RAB3C: variants seen among roughly 807,000 people sequenced by gnomAD.
RAB3C encodes the protein ras-related protein Rab-3C.
RAB3C carries 17 observed loss-of-function variants against 26.4 expected under a neutral mutation model. The ratio of observed to expected loss-of-function variants is 0.64; its 90% CI spans 0.44 to 0.97. RAB3C has a LOEUF of 0.97. Ranked by LOEUF, RAB3C falls within the 50% of genes least tolerant of loss-of-function variation. RAB3C has a pLI of 0.00. For missense variants in RAB3C, 242 were observed against 281.9 expected (o/e 0.86, Z 1.01); for synonymous variants, 91 against 95.9 (o/e 0.95, Z 0.30).
At chr5:58,699,358 A>G (rs1748788621) in intron 2 of RAB3C, among the ~76,000 whole-genome samples, 1 of 152,146 alleles carries the variant, frequency 6.6e-6, no homozygotes, top group Non-Finnish European at 1.5e-5. Context: ...AGGAGCAGCC[A>G]CCTATATGAG....
At chr5:58,809,991 T>C (rs1355937865) in intron 3 of RAB3C, among the ~76,000 whole-genome samples, 1 of 152,224 alleles carries the variant, frequency 6.6e-6, no homozygotes, top group Admixed American at 6.5e-5. Flanking sequence ...AGATGAAGCT[T>C]GCAGAACAGT....
At chr5:58,805,589 GAAA>G (rs1554019798) in intron 3 of RAB3C, among the ~76,000 whole-genome samples, 1 of 107,156 alleles carries the variant, frequency 9.3e-6, no homozygotes, top group Non-Finnish European at 1.8e-5. Context: ...GACTCCATCT[GAAA>G]AAAAAAAAAA....
At chr5:58,654,209 AT>A (rs1425831331) in intron 2 of RAB3C, among the ~76,000 whole-genome samples, 1 of 152,182 alleles carries the variant, frequency 6.6e-6, no homozygotes, top group Non-Finnish European at 1.5e-5. Flanking sequence ...GGACTATAAT[AT>A]ATCATGTAGG....
intron 3 of RAB3C, among the ~76,000 whole-genome samples, chr5:58,779,979 A>G (rs1191019356): frequency 6.6e-6 from 1 of 152,140 alleles, no homozygotes; most frequent in Non-Finnish European, 1.5e-5. Context: ...ATGCTGTGGA[A>G]AAATGGAAAG....
intron 1 of RAB3C, among the ~76,000 whole-genome samples, chr5:58,606,046 G>T (rs574686210): frequency 2.3e-4 from 35 of 152,356 alleles, no homozygotes; most frequent in Admixed American, 2.2e-3. Flanking sequence ...ATTAGGACTG[G>T]TTGGACAGTG....
At chr5:58,712,107 C>A (rs894203166) in intron 2 of RAB3C, among the ~76,000 whole-genome samples, 1 of 152,178 alleles carries the variant, frequency 6.6e-6, no homozygotes, top group Non-Finnish European at 1.5e-5. Context: ...CACCAACCGT[C>A]CCCGTTCCTG....
At chr5:58,702,771 T>C (rs1418235635) in intron 2 of RAB3C, among the ~76,000 whole-genome samples, 2 of 152,140 alleles carry the variant, frequency 1.3e-5, no homozygotes, top group Non-Finnish European at 2.9e-5. Context: ...TACAGAAGAA[T>C]AAACAGAAAG....
intron 4 of RAB3C, among the ~76,000 whole-genome samples, chr5:58,834,731 T>C (rs181162733): frequency 6.6e-6 from 1 of 152,218 alleles, no homozygotes; most frequent in East Asian, 1.9e-4. Context: ...TCCCAGGAGG[T>C]ATAAACTAAA....
intron 2 of RAB3C, among the ~76,000 whole-genome samples, chr5:58,619,210 G>C (rs1174979439): frequency 2.0e-5 from 3 of 152,098 alleles, no homozygotes; most frequent in Non-Finnish European, 4.4e-5. Context: ...AATCACGTAA[G>C]AATTTGTACA....
At chr5:58,678,421 C>A (rs998092202) in intron 2 of RAB3C, among the ~76,000 whole-genome samples, 3 of 152,076 alleles carry the variant, frequency 2.0e-5, no homozygotes, top group African/African-American at 7.2e-5. Context: ...CACATGGAGT[C>A]TGCCTGACCA....
intron 1 of RAB3C, among the ~76,000 whole-genome samples, chr5:58,589,788 G>T (rs1423022088): frequency 6.6e-6 from 1 of 152,132 alleles, no homozygotes. Context: ...GCATTATCAG[G>T]TTGGTCCAAT....
At chr5:58,643,047 C>A (rs1260038121) in intron 2 of RAB3C, among the ~76,000 whole-genome samples, 1 of 152,176 alleles carries the variant, frequency 6.6e-6, no homozygotes, top group African/African-American at 2.4e-5. Context: ...TGTATGTTTT[C>A]AACTGAGAGC....
chr5:58,674,175 G>C (rs28588077), intron 2 of RAB3C, among the ~76,000 whole-genome samples: 2 of 151,958 alleles, frequency 1.3e-5, no homozygotes, highest in Non-Finnish European at 2.9e-5. Context: ...TGAAAGTGAG[G>C]TAATTTCATG....
chr5:58,818,351 C>A (rs1460049716), intron 3 of RAB3C, among the ~76,000 whole-genome samples: 1 of 152,194 alleles, frequency 6.6e-6, no homozygotes, highest in African/African-American at 2.4e-5. Flanking sequence ...CATAAAATAT[C>A]AAAAGCTCTT....
chr5:58,755,091 T>C (rs1030295335), intron 3 of RAB3C, among the ~76,000 whole-genome samples: 2 of 152,082 alleles, frequency 1.3e-5, no homozygotes, highest in Non-Finnish European at 2.9e-5. Flanking sequence ...ATTCAACAAC[T>C]CCAAAAGAAT....
intron 4 of RAB3C, among the ~76,000 whole-genome samples, chr5:58,839,617 G>A (rs937229107): frequency 5.3e-5 from 8 of 151,974 alleles, no homozygotes; most frequent in South Asian, 2.1e-4. Context: ...TGATCCACCC[G>A]CCTCGGCCTC....
intron 4 of RAB3C, among the ~76,000 whole-genome samples, chr5:58,827,095 T>G (rs775810758): frequency 1.3e-5 from 2 of 152,114 alleles, no homozygotes; most frequent in Non-Finnish European, 2.9e-5. Flanking sequence ...ACAGGGCCTC[T>G]TCCCACTCTA....
rs1561311201 is a variant in RAB3C, at chr5:58,756,337, CATATATATGTTATATA to C, written c.371+30218_371+30233del. Among the ~76,000 whole-genome samples the C allele has an allele frequency of 3.9e-3, 519 of 132,494 alleles. 4 individuals carry two copies. Among genetic ancestry groups the C allele is most frequent in the African/African-American group, 0.015 (486 of 31,832 alleles). 86.9% of individuals were successfully genotyped at this position (132,494 alleles called of 152,430 possible). On this transcript the variant is annotated intron_variant, in intron 3 of 4. Transcript: ENST00000282878. The stretch of plus-strand genomic sequence containing the variant: ...AGTAGTTATATATATATATATATAA[CATATATATGTTATATA>C]TATATATAACATATATATATAACTA...
chr5:58,593,558 A>G (rs112390135), intron 1 of RAB3C, among the ~76,000 whole-genome samples: 1 of 152,128 alleles, frequency 6.6e-6, no homozygotes, highest in Non-Finnish European at 1.5e-5. Context: ...TGTGTTTTTC[A>G]AATTAAATTG....
Sources: gnomAD v4.1 joint callset for allele counts (sites outside exome capture counted in the v4.1 genomes callset) on GRCh38, gnomAD v4.1.1 for gene constraint, MANE v1.5 for transcripts, NCBI Gene and HGNC (gene_info 2026-07-23, HGNC 2026-07-21) for gene names.